Variants in GEMIN8 observed in about 807,000 individuals in gnomAD.
GEMIN8 encodes gem nuclear organelle associated protein 8.
For synonymous variants in GEMIN8, 80 were observed against 78.5 expected, an observed-to-expected ratio of 1.02 and a Z score of -0.10; for missense variants, 185 against 205.9, an observed-to-expected ratio of 0.90 and a Z score of 0.62.
At chrX:13,996,544 G>C in the GEMIN8 span, among the ~76,000 whole-genome samples, 1 of 111,184 alleles carries the variant, frequency 9.0e-6, no homozygotes, top group African/African-American at 3.3e-5. Context: ...CCTCTCACTG[G>C]GTCCCTCCCG....
chrX:14,014,024 GA>G (rs1297206536), intron 4 of GEMIN8: 366 of 698,890 alleles, frequency 5.2e-4, no homozygotes, highest in Middle Eastern at 8.1e-4. Flanking sequence ...GTCCATAAAG[GA>G]AAAAAAAAAT....
At chrX:14,004,519 T>C (rs1368401615), downstream of GEMIN8, among the ~76,000 whole-genome samples, 2 of 112,206 alleles carry the variant, frequency 1.8e-5, no homozygotes, top group African/African-American at 3.2e-5. Flanking sequence ...TATACTCCCA[T>C]AGCAATGTGA....
the GEMIN8 span, among the ~76,000 whole-genome samples, chrX:13,991,077 G>T: frequency 8.9e-6 from 1 of 112,565 alleles, no homozygotes. Flanking sequence ...GAGATTCTCT[G>T]TTGGAGTCAT....
the GEMIN8 span, among the ~76,000 whole-genome samples, chrX:13,984,302 T>A: frequency 8.9e-6 from 1 of 112,387 alleles, no homozygotes; most frequent in East Asian, 2.8e-4. Context: ...TAAATTTGTG[T>A]TGTTTTAAGC....
chrX:14,013,940 G>C, intron 4 of GEMIN8: 1 of 719,216 alleles, frequency 1.4e-6, no homozygotes, highest in Non-Finnish European at 1.6e-6. Flanking sequence ...TCTGGGTTCA[G>C]GATACATAAT....
At chrX:14,018,766 C>CTTT (rs58528171) in intron 4 of GEMIN8, among the ~76,000 whole-genome samples, 6 of 91,888 alleles carry the variant, frequency 6.5e-5, no homozygotes, top group African/African-American at 1.6e-4. Context: ...CTTTTCTTTT[C>CTTT]TTTTTTTTTT....
Position 14,021,814 on chromosome X carries a change from GTATATA to G in GEMIN8, c.-33-309_-33-304del, listed in dbSNP as rs147147045. 2.8e-4 allele frequency among the ~76,000 whole-genome samples: 22 copies of G among 78,275 alleles called. 1 individual carries two copies. The highest frequency in any genetic ancestry group is 5.9e-4 in the South Asian group (1 of 1,690). 68.0% of individuals were successfully genotyped at this position (78,275 alleles called of 115,157 possible). On this transcript the variant is annotated intron_variant, in intron 2 of 4. Transcript: ENST00000680255. ...TAAATATTTAGTAGTTAATGTGTGT[GTATATA>G]TATATATATATATATATATATATAG...
downstream of GEMIN8, among the ~76,000 whole-genome samples, chrX:14,006,014 TTC>T (rs1923142781): frequency 9.1e-6 from 1 of 109,328 alleles, no homozygotes; most frequent in African/African-American, 3.3e-5. Context: ...CCACAGATTC[TTC>T]TGTGACTGGC....
intron 4 of GEMIN8, among the ~76,000 whole-genome samples, chrX:14,014,839 G>A (rs1484367670): frequency 2.7e-5 from 3 of 111,411 alleles, no homozygotes; most frequent in Admixed American, 9.5e-5. Flanking sequence ...TGTCTAAGCC[G>A]GGAGTGAACT....
chrX:13,986,617 G>A, the GEMIN8 span, among the ~76,000 whole-genome samples: 7 of 112,478 alleles, frequency 6.2e-5, no homozygotes, highest in Non-Finnish European at 7.5e-5. Context: ...GCATGCACCA[G>A]CTGTCTTTTA....
chrX:14,009,122 C>G lies in GEMIN8; in HGVS notation c.520G>C (p.Ala174Pro). 1.7e-6 allele frequency: 2 copies of G among 1,210,927 alleles called. No individual in the cohort carries two copies. The highest frequency in any genetic ancestry group is 2.2e-6 in the Non-Finnish European group (2 of 894,400). Residue 174 changes from alanine to proline, a missense_variant, in exon 5 of 5, where the codon GCT becomes CCT. By Grantham distance (27) the Ala-to-Pro change is conservative. Coordinates refer to ENST00000680255, the MANE Select transcript of GEMIN8 (RefSeq NM_001042479.2). ...DAERLDSYVN[A>P]DHDLYCNTRR... ...GTGTTGCAGTACAGGTCGTGGTCAG[C>G]GTTCACATAGCTGTCCAGGCGCTCT...
chrX:14,020,465 G>C lies in GEMIN8; in HGVS notation c.85C>G (p.His29Asp). 1.7e-6 allele frequency: 2 copies of C among 1,207,085 alleles called. No individual in the cohort carries two copies. Among genetic ancestry groups the C allele is most frequent in the Non-Finnish European group, 2.2e-6 (2 of 891,030 alleles). ...CTTTGCATCCAAGCCATTGCTTGAT[G>C]ATAATGTTGCCAGTATCTTGCATAT... Reference protein sequence around the residue: ...PVYARYWQHYHQAMAWMQSHH... With the variant: ...PVYARYWQHYDQAMAWMQSHH... The change falls in exon 4 of 5, where the codon CAT (histidine) becomes GAT (aspartate). Residue 29 changes from histidine (H) to aspartate (D), a missense_variant. Physicochemically the swap from His to Asp is moderately conservative, Grantham distance 81. Coordinates refer to ENST00000680255, the MANE Select transcript of GEMIN8 (RefSeq NM_001042479.2).
At chrX:14,020,653 C>CT (rs56403225) in intron 3 of GEMIN8, 119 bp from the exon 4 acceptor site, 146,490 of 503,408 alleles carry the variant, frequency 0.29, 14,896 homozygotes, top group South Asian at 0.36. Flanking sequence ...TAAATACCTA[C>CT]CTACATGAGG....
chrX:14,004,714 T>G (rs1449504145), downstream of GEMIN8, among the ~76,000 whole-genome samples: 1 of 112,063 alleles, frequency 8.9e-6, no homozygotes, highest in Non-Finnish European at 1.9e-5. Context: ...CATGGCACCA[T>G]GTCTGGCTAA....
At chrX:14,024,815 G>C (rs1215780183) in intron 2 of GEMIN8, among the ~76,000 whole-genome samples, 1 of 112,002 alleles carries the variant, frequency 8.9e-6, no homozygotes, top group Non-Finnish European at 1.9e-5. Context: ...CATTATGAAA[G>C]GATGAATTTA....
In GEMIN8 at chrX:14,020,099, C is replaced by T. The variant is rs1301312201; in HGVS notation, c.451G>A (p.Glu151Lys). 5.8e-6 allele frequency: 7 copies of T among 1,198,554 alleles called. No individual in the cohort carries two copies. The highest frequency in any genetic ancestry group is 1.7e-5 in the African/African-American group (1 of 57,576). Residue 151 changes from glutamate to lysine, a missense_variant, in exon 4 of 5, where the codon GAG becomes AAG. Coordinates refer to ENST00000680255, the MANE Select transcript of GEMIN8 (RefSeq NM_001042479.2). ...EELRQYFAETERHREERRRQQ... is the reference protein window; with the variant it reads ...EELRQYFAETKRHREERRRQQ... ...TTACGTCGTTCTTCTCTATGCCTCT[C>T]GGTCTCTGCAAAGTACTGGCGGAGC... is the stretch of plus-strand genomic sequence containing the variant.
At position 14,008,956 on chromosome X, in the gene GEMIN8, C is replaced by T. The variant is rs202083813; in HGVS notation, c.686G>A (p.Arg229Gln). The T allele has an allele frequency of 7.4e-6, 9 of 1,209,215 alleles. No individual in the cohort carries two copies. Among genetic ancestry groups the T allele is most frequent in the African/African-American group, 5.2e-5 (3 of 57,379 alleles). Residue 229 changes from arginine (R) to glutamine (Q), a missense_variant, in exon 5 of 5, where the codon CGA becomes CAA. By Grantham distance (43) the Arg-to-Gln change is conservative. Transcript: ENST00000680255. ...VQLSFDKHCD[R>Q]KQPKYWPVIP... is the part of the protein sequence containing the mutation. Reference sequence around the variant, plus strand: ...GACCGGCCAGTACTTGGGCTGCTTTCGGTCACAGTGCTTGTCAAAGCTCAG... The same window carrying T: ...GACCGGCCAGTACTTGGGCTGCTTTTGGTCACAGTGCTTGTCAAAGCTCAG...
At chrX:14,025,741 A>G (rs1924655219) in intron 2 of GEMIN8, among the ~76,000 whole-genome samples, 2 of 112,212 alleles carry the variant, frequency 1.8e-5, no homozygotes. Context: ...ACTAAAAATA[A>G]CAATAAAAAT....
At chrX:14,010,579 G>A (rs1923468768) in intron 4 of GEMIN8, among the ~76,000 whole-genome samples, 1 of 112,446 alleles carries the variant, frequency 8.9e-6, no homozygotes, top group South Asian at 3.7e-4. Context: ...TATTTATAAG[G>A]CCATGCATAG....
Sources: allele counts gnomAD v4.1 joint callset (sites outside exome capture counted in the v4.1 genomes callset), GRCh38; gene constraint gnomAD v4.1.1; transcripts MANE v1.5; gene names NCBI Gene and HGNC (gene_info 2026-07-23, HGNC 2026-07-21).